The following ACBD6 variants were observed in gnomAD, a reference collection of about 807,000 sequenced individuals.
ACBD6 encodes acyl-CoA binding domain containing 6, also known as acyl-CoA-binding domain-containing protein 6.
A neutral mutation model predicts 37.2 loss-of-function variants in ACBD6; 28 were observed. The observed-to-expected ratio is 0.75, with a 90% CI of 0.56 to 1.03. The LOEUF (loss-of-function observed/expected upper bound fraction) is 1.03, where lower values mean the gene tolerates loss of function less well. Ranked by LOEUF, ACBD6 falls within the 50% of genes least tolerant of loss-of-function variation. The pLI is 0.00. For synonymous variants in ACBD6, 113 were observed against 126.8 expected (o/e 0.89, Z 0.73); for missense variants, 340 against 337.4 (o/e 1.01, Z -0.06).
chr1:180,397,394 C>T (rs1391011045), intron 6 of ACBD6, 122 bp downstream of exon 6: 5 of 881,512 alleles, frequency 5.7e-6, no homozygotes, highest in Non-Finnish European at 9.6e-6. Flanking sequence ...GATTACACAA[C>T]ATTGTGAAAT....
chr1:180,340,885 C>A (rs1651955247), intron 6 of ACBD6, among the ~76,000 whole-genome samples: 1 of 151,918 alleles, frequency 6.6e-6, no homozygotes, highest in Non-Finnish European at 1.5e-5. Context: ...AGGAAGGTCA[C>A]CAGCACAGAA....
intron 7 of ACBD6, among the ~76,000 whole-genome samples, chr1:180,303,109 T>C (rs1650197169): frequency 1.3e-5 from 2 of 150,988 alleles, no homozygotes; most frequent in South Asian, 2.1e-4. Context: ...CAAAGCAGTG[T>C]GTAGAGGGAA....
In ACBD6 at chr1:180,303,483, C is replaced by T. The variant is rs192580685; in HGVS notation, c.694+11209G>A. Among the ~76,000 whole-genome samples, 442 of 150,868 alleles carry T rather than the reference C, an allele frequency of 2.9e-3. 5 individuals are homozygous for T. Among genetic ancestry groups the T allele is most frequent in the African/African-American group, 0.01 (415 of 41,424 alleles). On this transcript the variant is annotated intron_variant, in intron 7 of 7. Transcript: ENST00000367595. ...TCAGAGAATATTATAAACACCTCTA[C>T]GCAAATAAACTAGAAAATCTAGAAG... is the stretch of plus-strand genomic sequence containing the variant.
At chr1:180,447,599 C>T (rs1301446056) in intron 3 of ACBD6, among the ~76,000 whole-genome samples, 1 of 152,060 alleles carries the variant, frequency 6.6e-6, no homozygotes, top group Non-Finnish European at 1.5e-5. Flanking sequence ...AAATGGCTAT[C>T]ATGGAAAACT....
intron 4 of ACBD6, among the ~76,000 whole-genome samples, chr1:180,426,759 G>A (rs1380385316): frequency 1.3e-5 from 2 of 152,128 alleles, no homozygotes; most frequent in Non-Finnish European, 2.9e-5. Flanking sequence ...TTTGCACCAG[G>A]TACTGTTCGA....
chr1:180,275,180 T>C (rs1311348418), exon 10 of ACBD6: 1 of 152,266 alleles, frequency 6.6e-6, no homozygotes, highest in Non-Finnish European at 1.5e-5. Context: ...ATATGAATTC[T>C]TTCCTACAAA....
Position 180,413,462 on chromosome 1 carries a change from G to T in ACBD6, c.477C>A (p.Asp159Glu). 2.5e-6 allele frequency: 4 copies of T among 1,610,376 alleles called. No individual in the cohort carries two copies. The South Asian group carries it at 4.4e-5, about 18-fold the overall frequency. ...CCCTGCAGTAATCAAATATATTTTT[G>T]TCTTCTTCCCTAGAATAAAAAAAAG... ...LYHEETIREE[D>E]KNIFDYCREN... The change falls in exon 5 of 8, where the codon GAC becomes GAA. Residue 159 changes from aspartate to glutamate, a missense_variant. By Grantham distance (45) the Asp-to-Glu change is conservative. Transcript: ENST00000367595.
At chr1:180,494,088 A>T (rs986611942) in intron 2 of ACBD6, among the ~76,000 whole-genome samples, 9 of 152,212 alleles carry the variant, frequency 5.9e-5, no homozygotes. Flanking sequence ...ATAATTAAAA[A>T]GTAAATGGTG....
chr1:180,341,836 T>A (rs902903499), intron 6 of ACBD6, among the ~76,000 whole-genome samples: 6 of 152,148 alleles, frequency 3.9e-5, no homozygotes, highest in Non-Finnish European at 8.8e-5. Flanking sequence ...ACTCTCTGAA[T>A]TGGAATACCA....
chr1:180,379,687 C>T (rs1157925701), intron 6 of ACBD6, among the ~76,000 whole-genome samples: 3 of 152,050 alleles, frequency 2.0e-5, no homozygotes, highest in Admixed American at 1.3e-4. Context: ...GACAGGTCTT[C>T]GCAGATACCT....
At chr1:180,493,558 A>C (rs1323929441) in intron 2 of ACBD6, among the ~76,000 whole-genome samples, 2 of 152,092 alleles carry the variant, frequency 1.3e-5, no homozygotes, top group East Asian at 3.8e-4. Context: ...TATCTTTCTG[A>C]GGTTTTCTAA....
chr1:180,351,158 A>G (rs1400461030), intron 6 of ACBD6, among the ~76,000 whole-genome samples: 1 of 152,222 alleles, frequency 6.6e-6, no homozygotes, highest in African/African-American at 2.4e-5. Context: ...ATTTCCATAG[A>G]AAACTGATAA....
At chr1:180,276,522 T>G (rs558085840) in intron 9 of ACBD6, 1 of 152,214 alleles carries the variant, frequency 6.6e-6, no homozygotes, top group Non-Finnish European at 1.5e-5. Flanking sequence ...GATGTTGTGT[T>G]AATCCTAGCC....
intron 7 of ACBD6, among the ~76,000 whole-genome samples, chr1:180,297,584 A>G (rs964085694): frequency 2.0e-5 from 3 of 152,182 alleles, no homozygotes; most frequent in Admixed American, 2.0e-4. Context: ...AGTTTTGGGT[A>G]GCTCCTGAGA....
rs1041183812 is a variant in ACBD6 at position 180,502,453 on chromosome 1, G to C, written c.-187C>G. ...CCCACTTCTACTCCCTGGGCGTGCA[G>C]AGCAGGCTCCTCGACCCTCTGCCGC... On this transcript the variant is annotated 5_prime_UTR_variant, in exon 1 of 8. Transcript: ENST00000367595. 4 of 673,732 alleles carry C rather than the reference G, an allele frequency of 5.9e-6. No homozygotes were observed. Among genetic ancestry groups the C allele is most frequent in the Middle Eastern group, 3.9e-4 (1 of 2,536 alleles). The allele number at this position is 673,732 out of a possible 1,614,324, so 41.7% of individuals were successfully genotyped here. A position where few individuals can be genotyped will look rare whatever the true frequency, so the allele number is the denominator to read the frequency against.
intron 6 of ACBD6, among the ~76,000 whole-genome samples, chr1:180,318,165 C>CG (rs1161727806): frequency 5.5e-5 from 4 of 72,192 alleles, no homozygotes; most frequent in African/African-American, 9.4e-5. Context: ...CCATCTCCGC[C>CG]CCCCCCCCCC....
At chr1:180,309,262 G>A (rs1650499343) in intron 7 of ACBD6, among the ~76,000 whole-genome samples, 1 of 152,172 alleles carries the variant, frequency 6.6e-6, no homozygotes, top group African/African-American at 2.4e-5. Context: ...AGTACATAAA[G>A]AAAACAGAGC....
chr1:180,394,532 G>A (rs1654192824), intron 6 of ACBD6, among the ~76,000 whole-genome samples: 2 of 152,004 alleles, frequency 1.3e-5, no homozygotes, highest in South Asian at 4.1e-4. Flanking sequence ...AGTAGTGAAG[G>A]AATTTGCCCA....
intron 3 of ACBD6, among the ~76,000 whole-genome samples, chr1:180,448,693 A>C (rs1347539133): frequency 6.6e-6 from 1 of 151,938 alleles, no homozygotes; most frequent in African/African-American, 2.4e-5. Context: ...GTGCATAAAA[A>C]CCCCTTTTAG....
Sources: gnomAD v4.1 joint callset for allele counts (sites outside exome capture counted in the v4.1 genomes callset) on GRCh38, gnomAD v4.1.1 for gene constraint, MANE v1.5 for transcripts, NCBI Gene and HGNC (gene_info 2026-07-23, HGNC 2026-07-21) for gene names.